LRP12: variants seen among roughly 807,000 people sequenced by gnomAD.
The protein encoded by LRP12 is low-density lipoprotein receptor-related protein 12.
Under a neutral mutation model 66.0 loss-of-function variants are expected in LRP12, and 14 were observed. The observed-to-expected ratio is 0.21, with a 90% CI of 0.14 to 0.33. The LOEUF is 0.33. LRP12 is among the 10% of genes least tolerant of loss of function. LRP12 has a pLI of 1.00. For synonymous variants in LRP12, 357 were observed against 359.1 expected, an observed-to-expected ratio of 0.99 and a Z score of 0.07; for missense variants, 889 against 1,053.4, an observed-to-expected ratio of 0.84 and a Z score of 2.16.
chr8:104,529,763 CAG>C (rs992021567), intron 2 of LRP12, among the ~76,000 whole-genome samples: 2 of 152,192 alleles, frequency 1.3e-5, no homozygotes, highest in Admixed American at 6.5e-5. Flanking sequence ...TTTAATGTAA[CAG>C]AGCACAAAAC....
At chr8:104,556,741 G>A (rs1172765457) in intron 1 of LRP12, among the ~76,000 whole-genome samples, 3 of 152,040 alleles carry the variant, frequency 2.0e-5, no homozygotes, top group African/African-American at 7.2e-5. Context: ...AGAGAAAGAA[G>A]GAATCTTCCC....
intron 1 of LRP12, among the ~76,000 whole-genome samples, chr8:104,570,897 C>A (rs1182134090): frequency 6.6e-6 from 1 of 152,034 alleles, no homozygotes; most frequent in Admixed American, 6.5e-5. Context: ...AAAAAACCAC[C>A]AACCCAATTA....
chr8:104,547,416 G>T, intron 1 of LRP12, among the ~76,000 whole-genome samples: 1 of 131,576 alleles, frequency 7.6e-6, no homozygotes, highest in South Asian at 2.4e-4. Flanking sequence ...GTTATATTTT[G>T]TATATAATAT....
rs66644217 is a variant in LRP12, at chr8:104,549,400, CTTTTTTT to C, written c.80-17444_80-17438del. Among the ~76,000 whole-genome samples, 58 of 116,690 alleles carry C rather than the reference CTTTTTTT, an allele frequency of 5.0e-4. 1 individual carries two copies. The highest frequency in any genetic ancestry group is 1.3e-3 in the East Asian group (5 of 3,942). 76.6% of individuals were successfully genotyped at this position (116,690 alleles called of 152,430 possible). A position where few individuals can be genotyped will look rare whatever the true frequency, so the allele number is the denominator to read the frequency against. On this transcript the variant is annotated intron_variant, in intron 1 of 6. Coordinates refer to ENST00000276654, the MANE Select transcript of LRP12 (RefSeq NM_013437.5). ...CTAAAAAACATCAACTCTGAATCCA[CTTTTTTT>C]TTTTTTTTTTTTTGAGACAGAGTCT...
At chr8:104,576,110 A>G (rs1812160798) in intron 1 of LRP12, among the ~76,000 whole-genome samples, 2 of 152,202 alleles carry the variant, frequency 1.3e-5, no homozygotes, top group Non-Finnish European at 2.9e-5. Flanking sequence ...TCTGAGAAAT[A>G]AGGGATTATG....
chr8:104,512,396 A>C (rs1564132688), intron 2 of LRP12, among the ~76,000 whole-genome samples: 1 of 152,186 alleles, frequency 6.6e-6, no homozygotes, highest in East Asian at 1.9e-4. Context: ...ACATATAAAT[A>C]AACAGCCAAA....
intron 1 of LRP12, among the ~76,000 whole-genome samples, chr8:104,552,309 T>C (rs527566491): frequency 6.6e-6 from 1 of 152,210 alleles, no homozygotes; most frequent in South Asian, 2.1e-4. Context: ...CTTCAGTGAC[T>C]CCTGGGTTCT....
chr8:104,588,871 C>T lies in LRP12; in HGVS notation c.27G>A (p.Glu9=). Residue 9 remains glutamate, a synonymous_variant, in exon 1 of 7, where the codon GAG becomes GAA. Coordinates refer to ENST00000276654, the MANE Select transcript of LRP12 (RefSeq NM_013437.5). ...GCAACGCAGACCTCCACCGCGGAGA[C>T]TCTTTTGTGCTCCAGCGACAGGCCA... MACRWSTK[E]SPRWRSALLL... is the part of the protein sequence containing the mutation. 2 of 1,611,270 alleles carry T rather than the reference C, an allele frequency of 1.2e-6. No individual in the cohort carries two copies. Among genetic ancestry groups the T allele is most frequent in the Non-Finnish European group, 1.7e-6 (2 of 1,178,986 alleles).
rs146948989 is a variant in LRP12 at position 104,496,861 on chromosome 8, C to T, written c.1580+111G>A. The T allele has an allele frequency of 3.0e-5, 31 of 1,041,134 alleles. No homozygotes were observed. In the East Asian group the frequency reaches 8.9e-4, roughly 30 times the overall value. 64.5% of individuals were successfully genotyped at this position (1,041,134 alleles called of 1,614,324 possible). ...TTATACATCATCAACAATCTTTATC[C>T]ATTTTCTAAACTAATATAAAACAAA... On this transcript the variant is annotated intron_variant, in intron 5 of 6. Coordinates refer to ENST00000276654, the MANE Select transcript of LRP12 (RefSeq NM_013437.5).
chr8:104,525,780 G>T (rs1564135888), intron 2 of LRP12, among the ~76,000 whole-genome samples: 1 of 152,168 alleles, frequency 6.6e-6, no homozygotes, highest in Non-Finnish European at 1.5e-5. Flanking sequence ...ACAAGACAGG[G>T]ATGCCCTCTC....
chr8:104,495,236 G>C (rs909321590), intron 5 of LRP12, 27 bp from the exon 6 acceptor site: 1 of 1,596,288 alleles, frequency 6.3e-7, no homozygotes, highest in Admixed American at 1.7e-5. Flanking sequence ...AAAGAAAAAT[G>C]ATTAAAAGGG....
chr8:104,493,417 C>T (rs546203011), intron 6 of LRP12, among the ~76,000 whole-genome samples: 20 of 152,282 alleles, frequency 1.3e-4, no homozygotes, highest in African/African-American at 4.3e-4. Context: ...AATTCTCCCA[C>T]GAGGGTACAT....
chr8:104,522,222 C>T (rs9650013), intron 2 of LRP12, among the ~76,000 whole-genome samples: 6,158 of 152,038 alleles, frequency 0.041, 190 homozygotes, highest in South Asian at 0.075. Context: ...AAATTTATTG[C>T]AATTTAGAAA....
intron 1 of LRP12, among the ~76,000 whole-genome samples, chr8:104,565,816 G>A (rs190682682): frequency 2.7e-5 from 4 of 148,636 alleles, no homozygotes; most frequent in South Asian, 2.1e-4. Flanking sequence ...AACCGAGATC[G>A]CACCACTGCA....
At chr8:104,503,813 A>G (rs1810866867) in intron 3 of LRP12, among the ~76,000 whole-genome samples, 1 of 152,184 alleles carries the variant, frequency 6.6e-6, no homozygotes, top group East Asian at 1.9e-4. Flanking sequence ...TATTTTCTTT[A>G]TATCACTGAT....
Position 104,496,840 on chromosome 8 carries a change from ACAT to A in LRP12, c.1580+129_1580+131del, listed in dbSNP as rs796160585. ...CTCGGGTTTTTCACGCTAATTTTAT[ACAT>A]CATCAACAATCTTTATCCATTTTCT... On this transcript the variant is annotated intron_variant, in intron 5 of 6. Transcript: ENST00000276654. 1.3e-4 allele frequency: 112 copies of A among 834,894 alleles called. No homozygotes were observed. In the African/African-American group the frequency reaches 1.7e-3, roughly 13 times the overall value. 51.7% of individuals were successfully genotyped at this position (834,894 alleles called of 1,614,324 possible).
intron 3 of LRP12, among the ~76,000 whole-genome samples, chr8:104,501,330 T>G (rs1270915928): frequency 6.6e-6 from 1 of 152,114 alleles, no homozygotes; most frequent in Non-Finnish European, 1.5e-5. Context: ...ATGTGATTAT[T>G]GGCCATTTTT....
At chr8:104,559,230 T>A (rs1811863552) in intron 1 of LRP12, among the ~76,000 whole-genome samples, 1 of 152,142 alleles carries the variant, frequency 6.6e-6, no homozygotes, top group South Asian at 2.1e-4. Context: ...AACAAGTGGA[T>A]AAAGAAAATG....
chr8:104,586,366 A>G (rs983330757), intron 1 of LRP12, among the ~76,000 whole-genome samples: 1 of 152,258 alleles, frequency 6.6e-6, no homozygotes, highest in Non-Finnish European at 1.5e-5. Context: ...ATTTCATTTA[A>G]GAGTCACTCT....
Sources: allele counts gnomAD v4.1 joint callset (sites outside exome capture counted in the v4.1 genomes callset), GRCh38; gene constraint gnomAD v4.1.1; transcripts MANE v1.5; gene names NCBI Gene and HGNC (gene_info 2026-07-23, HGNC 2026-07-21).